The following OPHN1 variants were observed in gnomAD, a reference collection of about 807,000 sequenced individuals.
OPHN1 encodes oligophrenin-1.
OPHN1 carries 11 observed loss-of-function variants against 60.7 expected under a neutral mutation model. The observed-to-expected ratio is 0.18, with a 90% CI of 0.11 to 0.30. The LOEUF is 0.30. Ranked by LOEUF, OPHN1 falls within the 10% of genes least tolerant of loss-of-function variation. The pLI, the probability that OPHN1 is intolerant of heterozygous loss-of-function variation, is 1.00. For missense variants in OPHN1, 449 were observed against 611.0 expected (o/e 0.73, Z 2.80); for synonymous variants, 226 against 222.6 (o/e 1.02, Z -0.14).
chrX:68,315,367 G>A (rs780962654), intron 2 of OPHN1, among the ~76,000 whole-genome samples: 2 of 111,710 alleles, frequency 1.8e-5, no homozygotes, highest in Non-Finnish European at 3.8e-5. Flanking sequence ...TTTATGCGAA[G>A]TCATTCTACA....
intron 19 of OPHN1, among the ~76,000 whole-genome samples, chrX:68,074,375 C>T (rs2076946274): frequency 8.9e-6 from 1 of 111,740 alleles, no homozygotes; most frequent in Admixed American, 9.5e-5. Context: ...TAACAGCAAG[C>T]AGATTAATGT....
intron 6 of OPHN1, among the ~76,000 whole-genome samples, chrX:68,221,602 C>A (rs2077658685): frequency 1.1e-5 from 1 of 90,000 alleles, no homozygotes; most frequent in Non-Finnish European, 2.2e-5. Flanking sequence ...TGGAACAGAA[C>A]AGAGCCCTCA....
chrX:68,119,404 G>T, intron 15 of OPHN1, 72 bp from the exon 16 acceptor site: 2 of 767,098 alleles, frequency 2.6e-6, no homozygotes, highest in Non-Finnish European at 4.0e-6. Flanking sequence ...TCTTTTAAAA[G>T]AAAAACAAAG....
chrX:68,227,700 G>C (rs1602254679), intron 6 of OPHN1, among the ~76,000 whole-genome samples: 2 of 111,480 alleles, frequency 1.8e-5, no homozygotes, highest in South Asian at 7.8e-4. Flanking sequence ...GATGTTCTTT[G>C]AAACCAACGA....
At chrX:68,255,252 C>T (rs1028003810) in intron 5 of OPHN1, among the ~76,000 whole-genome samples, 1 of 109,865 alleles carries the variant, frequency 9.1e-6, no homozygotes, top group East Asian at 2.9e-4. Context: ...TATAAATTAG[C>T]GACAGTAAGA....
At chrX:68,067,833 TGA>T (rs1460047604) in intron 20 of OPHN1, among the ~76,000 whole-genome samples, 1 of 111,858 alleles carries the variant, frequency 8.9e-6, no homozygotes, top group Non-Finnish European at 1.9e-5. Context: ...ATGCTACTGG[TGA>T]GCAGGATTGG....
intron 15 of OPHN1, among the ~76,000 whole-genome samples, chrX:68,166,367 C>T (rs1354528599): frequency 3.6e-5 from 4 of 110,374 alleles, no homozygotes; most frequent in African/African-American, 1.3e-4. Flanking sequence ...AACCCCATCT[C>T]TAATAAAAAT....
chrX:68,370,651 C>G lies in OPHN1; in HGVS notation c.154+62216G>C, dbSNP rs192864593. Among the ~76,000 whole-genome samples, 15 of 112,003 alleles carry G rather than the reference C, an allele frequency of 1.3e-4. No individual in the cohort carries two copies. In the East Asian group the frequency reaches 4.2e-3, roughly 31 times the overall value. Reference sequence around the variant, plus strand: ...TATAACTCTACTTTTTTATATCCTACTTTGTTTTTAAGTGCTTTAAAATAA... The same window carrying G: ...TATAACTCTACTTTTTTATATCCTAGTTTGTTTTTAAGTGCTTTAAAATAA... On this transcript the variant is annotated intron_variant, in intron 2 of 24. Transcript: ENST00000355520.
At chrX:68,227,095 T>A (rs764305735) in intron 6 of OPHN1, among the ~76,000 whole-genome samples, 5 of 111,015 alleles carry the variant, frequency 4.5e-5, no homozygotes, top group African/African-American at 1.6e-4. Context: ...AAAAAAGGCA[T>A]GGGTTGCAAT....
At chrX:68,328,415 A>C (rs1370765162) in intron 2 of OPHN1, among the ~76,000 whole-genome samples, 1 of 113,207 alleles carries the variant, frequency 8.8e-6, no homozygotes, top group Non-Finnish European at 1.9e-5. Flanking sequence ...GGCGTGAGCC[A>C]CCGCGCCCAG....
At chrX:68,312,721 G>T (rs1158013583) in intron 2 of OPHN1, among the ~76,000 whole-genome samples, 1 of 111,347 alleles carries the variant, frequency 9.0e-6, no homozygotes, top group Non-Finnish European at 1.9e-5. Flanking sequence ...AATCAATGAA[G>T]CCAAAAGATT....
At chrX:68,307,314 C>T (rs2078150291) in intron 2 of OPHN1, among the ~76,000 whole-genome samples, 1 of 107,903 alleles carries the variant, frequency 9.3e-6, no homozygotes, top group African/African-American at 3.4e-5. Context: ...AATAGCCGAG[C>T]ATGGTGGTGT....
At chrX:68,383,574 G>GGGT (rs1277270234) in intron 2 of OPHN1, among the ~76,000 whole-genome samples, 1 of 93,189 alleles carries the variant, frequency 1.1e-5, no homozygotes, top group Non-Finnish European at 2.1e-5. Flanking sequence ...AATCCAGCTT[G>GGGT]GGTGACAGCG....
chrX:68,140,166 T>C (rs190393933), intron 15 of OPHN1, among the ~76,000 whole-genome samples: 1 of 111,746 alleles, frequency 8.9e-6, no homozygotes, highest in Non-Finnish European at 1.9e-5. Context: ...CACCTTCAAG[T>C]AGTCAACCCA....
rs759961141 is a variant in OPHN1 at position 68,052,546 on chromosome X, G to A, written c.2369C>T (p.Thr790Ile). 2 of 1,204,452 alleles carry A rather than the reference G, an allele frequency of 1.7e-6. No homozygotes were observed. Among genetic ancestry groups the A allele is most frequent in the African/African-American group, 3.5e-5 (2 of 57,101 alleles). Reference protein sequence around the residue: ...TRFFETASRKTGSSQGRLPGD... With the variant: ...TRFFETASRKIGSSQGRLPGD... Reference sequence around the variant, plus strand: ...TGTCACCTCCATATCTTACCTTCCTGTTTTCCGGGAAGCTGTTTCAAAAAA... The same window carrying A: ...TGTCACCTCCATATCTTACCTTCCTATTTTCCGGGAAGCTGTTTCAAAAAA... The change falls in exon 23 of 25, where the codon ACA (threonine) becomes ATA (isoleucine). Residue 790 changes from threonine to isoleucine, a missense_variant. Physicochemically the swap from Thr to Ile is moderately conservative, Grantham distance 89. This residue lies in a region of OPHN1 where 184 missense variants were observed against 160.5 expected (regional missense o/e 1.15). Transcript: ENST00000355520.
At chrX:68,130,400 G>T (rs1053713779) in intron 15 of OPHN1, among the ~76,000 whole-genome samples, 1 of 111,419 alleles carries the variant, frequency 9.0e-6, no homozygotes, top group Non-Finnish European at 1.9e-5. Flanking sequence ...TAACCTTGAG[G>T]CAAAAATTAT....
At position 68,119,322 on chromosome X, in the gene OPHN1, G is replaced by A. The variant is rs766240354; in HGVS notation, c.1287C>T (p.Cys429=). Residue 429 remains cysteine, a synonymous_variant, in exon 16 of 25, where the codon TGC becomes TGT. Coordinates refer to ENST00000355520, the MANE Select transcript of OPHN1 (RefSeq NM_002547.3). ...KLLNAFFDPK[C]PGDVDFHNSD... is the part of the protein sequence containing the mutation. ...TATTATGAAAATCAACATCTCCTGG[G>A]CATTTAGGATCTATTTGAGAAAAGT... The A allele has an allele frequency of 1.7e-6, 2 of 1,182,630 alleles. No homozygotes were observed. The highest frequency in any genetic ancestry group is 2.3e-6 in the Non-Finnish European group (2 of 869,571).
intron 21 of OPHN1, among the ~76,000 whole-genome samples, chrX:68,060,540 T>A (rs1602129324): frequency 8.9e-6 from 1 of 112,525 alleles, no homozygotes; most frequent in South Asian, 3.7e-4. Context: ...CAAACACTAC[T>A]GATTCTTATT....
chrX:68,132,942 C>T (rs2077203673), intron 15 of OPHN1: 1 of 392,067 alleles, frequency 2.6e-6, no homozygotes, highest in Admixed American at 4.1e-5. Flanking sequence ...CCGAAGCAGC[C>T]GTGCTGCACC....
Sources: allele counts gnomAD v4.1 joint callset (sites outside exome capture counted in the v4.1 genomes callset), GRCh38; gene constraint gnomAD v4.1.1; regional missense constraint gnomAD v4.1.1; transcripts MANE v1.5; gene names NCBI Gene and HGNC (gene_info 2026-07-23, HGNC 2026-07-21).